Variants in NDST4 observed in about 807,000 individuals in gnomAD.
The protein encoded by NDST4 is N-heparan sulfate sulfotransferase 4.
A neutral mutation model predicts 100.8 loss-of-function variants in NDST4; 63 were observed. That is an observed-to-expected ratio of 0.62 (90% CI 0.51 to 0.77). The LOEUF is 0.77. Among genes scored for constraint, NDST4 ranks in the 30% least tolerant of loss-of-function variants. NDST4 has a pLI of 0.00. For synonymous variants in NDST4, 377 were observed against 361.8 expected, an observed-to-expected ratio of 1.04 and a Z score of -0.48; for missense variants, 943 against 1,018.4, an observed-to-expected ratio of 0.93 and a Z score of 1.01.
At chr4:115,029,325 T>C (rs886198165) in intron 2 of NDST4, among the ~76,000 whole-genome samples, 2 of 152,030 alleles carry the variant, frequency 1.3e-5, no homozygotes, top group Non-Finnish European at 2.9e-5. Context: ...TTCACTAATA[T>C]CATAGGAGAG....
intron 2 of NDST4, among the ~76,000 whole-genome samples, chr4:115,069,634 G>A (rs1161139838): frequency 6.6e-6 from 1 of 152,092 alleles, no homozygotes; most frequent in Non-Finnish European, 1.5e-5. Context: ...ATGGCTTCAT[G>A]CCTGTAATCC....
At chr4:114,906,906 C>T (rs1724961872) in intron 6 of NDST4, among the ~76,000 whole-genome samples, 1 of 151,926 alleles carries the variant, frequency 6.6e-6, no homozygotes, top group Admixed American at 6.6e-5. Flanking sequence ...ATTTTTATAA[C>T]ATTTGGCTTT....
Position 114,986,793 on chromosome 4 carries a change from CATATATATATATATATATATATATATAT to C in NDST4, c.979-9547_979-9520del, listed in dbSNP as rs59806494. 3.7e-4 allele frequency among the ~76,000 whole-genome samples: 34 copies of C among 91,142 alleles called. 1 individual carries two copies. The highest frequency in any genetic ancestry group is 1.4e-3 in the African/African-American group (32 of 22,116). 59.8% of individuals were successfully genotyped at this position (91,142 alleles called of 152,430 possible). A position where few individuals can be genotyped will look rare whatever the true frequency, so the allele number is the denominator to read the frequency against. On this transcript the variant is annotated intron_variant, in intron 2 of 13. Coordinates refer to ENST00000264363, the MANE Select transcript of NDST4 (RefSeq NM_022569.3). Reference sequence around the variant, plus strand: ...CCTCTAAGCCTGGTATCCAATTATACATATATATATATATATATATATATATATATATATATATATTTTAATATACTAT... The same window carrying C: ...CCTCTAAGCCTGGTATCCAATTATACATATATATATATTTTAATATACTAT...
At chr4:114,916,932 A>G (rs910301295) in intron 6 of NDST4, among the ~76,000 whole-genome samples, 10 of 151,978 alleles carry the variant, frequency 6.6e-5, no homozygotes, top group Admixed American at 6.6e-4. Flanking sequence ...TTTAATAAAT[A>G]TTTAATGAAT....
chr4:114,831,019 T>TA (rs1280570162), intron 12 of NDST4, among the ~76,000 whole-genome samples: 1 of 152,164 alleles, frequency 6.6e-6, no homozygotes, highest in Non-Finnish European at 1.5e-5. Context: ...GTTAAATGGA[T>TA]AAAAGAAAGA....
At chr4:115,033,982 A>G (rs1283487399) in intron 2 of NDST4, among the ~76,000 whole-genome samples, 1 of 152,128 alleles carries the variant, frequency 6.6e-6, no homozygotes, top group African/African-American at 2.4e-5. Flanking sequence ...TTTTGATCCT[A>G]AAATCAATGT....
At chr4:114,865,970 A>G (rs931128004) in intron 7 of NDST4, among the ~76,000 whole-genome samples, 1 of 152,236 alleles carries the variant, frequency 6.6e-6, no homozygotes, top group Non-Finnish European at 1.5e-5. Context: ...GAAAGATAAC[A>G]TGGCAAAATA....
chr4:114,941,056 T>C (rs923934901), intron 4 of NDST4, among the ~76,000 whole-genome samples: 3 of 152,224 alleles, frequency 2.0e-5, no homozygotes, highest in African/African-American at 7.2e-5. Flanking sequence ...CTTGAGGGTG[T>C]GGCCCCTGTT....
intron 2 of NDST4, among the ~76,000 whole-genome samples, chr4:115,001,301 C>T (rs1402839985): frequency 6.6e-6 from 1 of 151,980 alleles, no homozygotes; most frequent in Non-Finnish European, 1.5e-5. Context: ...TCAAACTAGG[C>T]TAGCAAGACT....
intron 7 of NDST4, among the ~76,000 whole-genome samples, chr4:114,867,499 TAGTG>T (rs1389462749): frequency 6.6e-6 from 1 of 151,944 alleles, no homozygotes; most frequent in African/African-American, 2.4e-5. Context: ...TGTTTGTTGA[TAGTG>T]AGACTCTGGA....
Position 115,014,758 on chromosome 4 carries a change from G to A in NDST4, c.979-37484C>T, listed in dbSNP as rs115686067. Among the ~76,000 whole-genome samples, 1,089 of 152,108 alleles carry A rather than the reference G, an allele frequency of 7.2e-3. 10 individuals carry two copies. Among genetic ancestry groups the A allele is most frequent in the African/African-American group, 0.022 (926 of 41,518 alleles). The stretch of plus-strand genomic sequence containing the variant: ...AAATCCCTTAGAATTTTGGAGCAAT[G>A]CCTTGTCATCCTCCTTGGATAACTA... On this transcript the variant is annotated intron_variant, in intron 2 of 13. Transcript: ENST00000264363.
chr4:114,832,316 T>G (rs1048707911), intron 12 of NDST4, among the ~76,000 whole-genome samples: 6 of 152,198 alleles, frequency 3.9e-5, no homozygotes, highest in African/African-American at 1.4e-4. Context: ...TTATTACTGC[T>G]TTTCCTGTTC....
intron 1 of NDST4, among the ~76,000 whole-genome samples, chr4:115,108,119 T>G (rs1479654893): frequency 6.6e-6 from 1 of 152,130 alleles, no homozygotes; most frequent in Non-Finnish European, 1.5e-5. Flanking sequence ...ATTTAAATTC[T>G]GATTCTAATT....
At chr4:115,042,798 C>T (rs915205678) in intron 2 of NDST4, among the ~76,000 whole-genome samples, 3 of 152,048 alleles carry the variant, frequency 2.0e-5, no homozygotes, top group Non-Finnish European at 4.4e-5. Flanking sequence ...TGTTTCTAGA[C>T]TCTGCATCAG....
intron 1 of NDST4, among the ~76,000 whole-genome samples, chr4:115,091,573 T>G (rs998433801): frequency 6.6e-6 from 1 of 152,118 alleles, no homozygotes; most frequent in Non-Finnish European, 1.5e-5. Flanking sequence ...ATTTGTAAAT[T>G]AGGCTTTCTG....
Position 114,952,587 on chromosome 4 carries a change from A to G in NDST4, c.1222-15084T>C, listed in dbSNP as rs577338669. Among the ~76,000 whole-genome samples, 15 of 152,244 alleles carry G rather than the reference A, an allele frequency of 9.9e-5. 3 individuals are homozygous for G. The South Asian group carries it at 2.1e-3, about 21-fold the overall frequency. On this transcript the variant is annotated intron_variant, in intron 4 of 13. Coordinates refer to ENST00000264363, the MANE Select transcript of NDST4 (RefSeq NM_022569.3). ...CTGAGAAGTATGAATATTAATAGCT[A>G]ATGAAATACCAATTCTAATTTGCAA...
intron 13 of NDST4, among the ~76,000 whole-genome samples, 163 bp downstream of exon 13, chr4:114,829,627 T>A (rs1226731676): frequency 6.6e-6 from 1 of 152,124 alleles, no homozygotes; most frequent in Non-Finnish European, 1.5e-5. Flanking sequence ...TCTATCTATC[T>A]ATCATTTCTA....
intron 2 of NDST4, among the ~76,000 whole-genome samples, chr4:114,978,775 G>T (rs545122308): frequency 1.3e-5 from 2 of 151,226 alleles, no homozygotes; most frequent in African/African-American, 4.9e-5. Context: ...AATTTCTCCC[G>T]TCTGCTATTC....
At position 115,008,674 on chromosome 4, in the gene NDST4, T is replaced by A. The variant is rs550137086; in HGVS notation, c.979-31400A>T. 4.7e-4 allele frequency among the ~76,000 whole-genome samples: 60 copies of A among 127,864 alleles called. 16 individuals carry two copies. The highest frequency in any genetic ancestry group is 1.5e-3 in the African/African-American group (51 of 33,696). 83.9% of individuals were successfully genotyped at this position (127,864 alleles called of 152,430 possible). ...CTCCTATTCAACATAGTGTTGGAAG[T>A]TCTGGCCAGGACAATTAGGCAGGAG... is the stretch of plus-strand genomic sequence containing the variant. On this transcript the variant is annotated intron_variant, in intron 2 of 13. Coordinates refer to ENST00000264363, the MANE Select transcript of NDST4 (RefSeq NM_022569.3).
Sources: allele counts gnomAD v4.1 joint callset (sites outside exome capture counted in the v4.1 genomes callset), GRCh38; gene constraint gnomAD v4.1.1; transcripts MANE v1.5; gene names NCBI Gene and HGNC (gene_info 2026-07-23, HGNC 2026-07-21).